The following CEP350 variants were observed in gnomAD, a reference collection of about 807,000 sequenced individuals.
CEP350 encodes centrosome-associated protein 350.
Under a neutral mutation model 331.8 loss-of-function variants are expected in CEP350, and 126 were observed. The ratio of observed to expected loss-of-function variants is 0.38; its 90% CI spans 0.33 to 0.44. The LOEUF is 0.44. Among genes scored for constraint, CEP350 ranks in the 20% least tolerant of loss-of-function variants. The pLI is 1.00. For synonymous variants in CEP350, 1,200 were observed against 1,259.5 expected (o/e 0.95, Z 1.00); for missense variants, 3,406 against 3,634.6 (o/e 0.94, Z 1.62).
intron 22 of CEP350, among the ~76,000 whole-genome samples, chr1:180,051,834 C>T (rs1045402772): frequency 6.6e-6 from 1 of 152,140 alleles, no homozygotes; most frequent in African/African-American, 2.4e-5. Flanking sequence ...TAAACCTATA[C>T]TCTAATTGGA....
chr1:180,074,221 T>C (rs1418533771), intron 27 of CEP350, among the ~76,000 whole-genome samples: 3 of 152,224 alleles, frequency 2.0e-5, no homozygotes, highest in Non-Finnish European at 4.4e-5. Flanking sequence ...AGTTGTGGCA[T>C]CTACATTTGA....
intron 8 of CEP350, among the ~76,000 whole-genome samples, chr1:180,010,998 ATTTCTT>A (rs1654617311): frequency 6.7e-6 from 1 of 148,764 alleles, no homozygotes; most frequent in African/African-American, 2.5e-5. Flanking sequence ...TTTTTTTTTC[ATTTCTT>A]TTTAAGTCAC....
rs947050000 is a variant in CEP350 at position 180,114,025 on chromosome 1, T to G, written c.*2864T>G. The G allele has an allele frequency of 1.3e-5, 2 of 152,606 alleles. No homozygotes were observed. Among genetic ancestry groups the G allele is most frequent in the Non-Finnish European group, 2.9e-5 (2 of 68,028 alleles). The allele number at this position is 152,606 out of a possible 1,614,324, so 9.5% of individuals were successfully genotyped here. ...TACCATAGGGAAAAGTGGGGAGAGC[T>G]CAAACGTAGTTAATAAGGAAGGTAA... On this transcript the variant is annotated 3_prime_UTR_variant, in exon 38 of 38. Coordinates refer to ENST00000367607, the MANE Select transcript of CEP350 (RefSeq NM_014810.5).
At chr1:180,054,904 A>C (rs1657723129) in intron 25 of CEP350, among the ~76,000 whole-genome samples, 1 of 152,220 alleles carries the variant, frequency 6.6e-6, no homozygotes, top group African/African-American at 2.4e-5. Flanking sequence ...TAATGGACTT[A>C]GAAAGACCTC....
intron 28 of CEP350, among the ~76,000 whole-genome samples, chr1:180,075,720 C>T (rs997136287): frequency 3.3e-5 from 5 of 152,036 alleles, no homozygotes; most frequent in African/African-American, 9.6e-5. Flanking sequence ...TTTGGGAGTC[C>T]GAGGCAGGTG....
chr1:180,047,999 T>A (rs948773044), intron 21 of CEP350, among the ~76,000 whole-genome samples: 1 of 152,160 alleles, frequency 6.6e-6, no homozygotes, highest in Non-Finnish European at 1.5e-5. Context: ...TCCTCAAATA[T>A]CTTTCATCCA....
At chr1:180,069,954 C>T (rs1658784014) in intron 27 of CEP350, among the ~76,000 whole-genome samples, 1 of 152,174 alleles carries the variant, frequency 6.6e-6, no homozygotes, top group Non-Finnish European at 1.5e-5. Context: ...CATAGCATTG[C>T]ATAAGGATTC....
At position 179,996,663 on chromosome 1, in the gene CEP350, G is replaced by A. The variant is rs1285591275; in HGVS notation, c.506G>A (p.Gly169Asp). 1 of 1,613,460 alleles carries A rather than the reference G, an allele frequency of 6.2e-7. No homozygotes were observed. The highest frequency in any genetic ancestry group is 1.1e-5 in the South Asian group (1 of 90,962). The stretch of plus-strand genomic sequence containing the variant: ...ACTGAGAGCGGTAACTGGATGATAG[G>A]CAGTCGAGAAGAACGGAATATACGG... ...EKTESGNWMI[G>D]SREERNIRSC... The change falls in exon 6 of 38, where the codon GGC becomes GAC. Residue 169 changes from glycine to aspartate, a missense_variant. Physicochemically the swap from Gly to Asp is moderately conservative, Grantham distance 94. Transcript: ENST00000367607.
rs1316223443 is a variant in CEP350 at position 180,053,900 on chromosome 1, A to G, written c.5140A>G (p.Lys1714Glu). Reference protein sequence around the residue: ...LREKALKEKTKAELAWLEHQK... With the variant: ...LREKALKEKTEAELAWLEHQK... ...TGAAAAGGCCTTGAAGGAGAAGACT[A>G]AGGCTGAATTGGCCTGGTTAGAGCA... is the stretch of plus-strand genomic sequence containing the variant. Residue 1714 changes from lysine to glutamate, a missense_variant, in exon 24 of 38, where the codon AAG becomes GAG. Transcript: ENST00000367607. 4.4e-6 allele frequency: 7 copies of G among 1,608,190 alleles called. No homozygotes were observed. The highest frequency in any genetic ancestry group is 1.3e-5 in the African/African-American group (1 of 74,828).
chr1:180,042,361 T>C (rs1014542940), intron 19 of CEP350, among the ~76,000 whole-genome samples: 1 of 152,246 alleles, frequency 6.6e-6, no homozygotes, highest in African/African-American at 2.4e-5. Context: ...TTTATTGCTG[T>C]CTCTACATAG....
chr1:180,012,165 T>C, intron 9 of CEP350, 90 bp downstream of exon 9: 2 of 1,200,324 alleles, frequency 1.7e-6, no homozygotes, highest in Non-Finnish European at 2.3e-6. Flanking sequence ...AAGAATGTGT[T>C]AGGACTTTGC....
Position 180,053,068 on chromosome 1 carries a change from G to T in CEP350, c.4891G>T (p.Glu1631Ter), listed in dbSNP as rs1657610094. 1 of 1,588,730 alleles carries T rather than the reference G, an allele frequency of 6.3e-7. No individual in the cohort carries two copies. Among genetic ancestry groups the T allele is most frequent in the Admixed American group, 1.7e-5 (1 of 59,546 alleles). ...ATCATTTCGATCATTACTACCTTCAGAGAGTCACCGCAGATTTAACATGGA... is the reference window on the plus strand; with the variant it reads ...ATCATTTCGATCATTACTACCTTCATAGAGTCACCGCAGATTTAACATGGA... ...EQSFRSLLPS[E>*]SHRRFNMEKR... is the part of the protein sequence containing the mutation. The change falls in exon 23 of 38, where the codon GAG (glutamate) becomes TAG (stop). Residue 1631 changes from glutamate to a stop codon, truncating the protein, a stop_gained. Transcript: ENST00000367607. LOFTEE classifies it high-confidence loss of function.
In CEP350 at chr1:180,092,596, A is replaced by G. The variant is rs1355139743; in HGVS notation, c.6509-18A>G. On this transcript the variant is annotated intron_variant, in intron 33 of 37. Coordinates refer to ENST00000367607, the MANE Select transcript of CEP350 (RefSeq NM_014810.5). ...GTGATTAAATAATTTTGATGTGGTG[A>G]TTTGTTTTTTCTTTAAGATGCTTCA... 1 of 1,468,878 alleles carries G rather than the reference A, an allele frequency of 6.8e-7. No individual in the cohort carries two copies. The allele number at this position is 1,468,878 out of a possible 1,614,324, so 91.0% of individuals were successfully genotyped here.
chr1:180,109,765 A>G (rs913264785), intron 37 of CEP350, among the ~76,000 whole-genome samples: 1 of 152,108 alleles, frequency 6.6e-6, no homozygotes, highest in African/African-American at 2.4e-5. Flanking sequence ...CCTCCCTAGT[A>G]GCTGGGACTA....
rs754949081 is a variant in CEP350 at position 180,013,966 on chromosome 1, G to A, written c.1513G>A (p.Ala505Thr). The change falls in exon 10 of 38, where the codon GCT becomes ACT. Residue 505 changes from alanine (A) to threonine (T), a missense_variant. Coordinates refer to ENST00000367607, the MANE Select transcript of CEP350 (RefSeq NM_014810.5). ...GTCTGAAAATAATATAAAGAAACTA[G>A]CTTCATCTCTTCCAGATAATAAGCA... ...SRSENNIKKL[A>T]SSLPDNKQEE... 7 of 1,613,510 alleles carry A rather than the reference G, an allele frequency of 4.3e-6. No individual in the cohort carries two copies. Among genetic ancestry groups the A allele is most frequent in the African/African-American group, 1.3e-5 (1 of 74,890 alleles).
rs1558108889 is a variant in CEP350 at position 180,024,399 on chromosome 1, T to G, written c.3387-20T>G. 1 of 1,591,964 alleles carries G rather than the reference T, an allele frequency of 6.3e-7. No individual in the cohort carries two copies. Reference sequence around the variant, plus strand: ...GTAAGACTTTTCTTTCTGGAACTACTATTATTTATTCTTTGACAGTAGCAC... The same window carrying G: ...GTAAGACTTTTCTTTCTGGAACTACGATTATTTATTCTTTGACAGTAGCAC... On this transcript the variant is annotated intron_variant, in intron 13 of 37. Transcript: ENST00000367607.
chr1:180,019,294 C>A (rs967340097), intron 11 of CEP350, among the ~76,000 whole-genome samples: 1 of 152,074 alleles, frequency 6.6e-6, no homozygotes, highest in African/African-American at 2.4e-5. Flanking sequence ...TATTCTGTTT[C>A]TAGACTTAAT....
intron 22 of CEP350, among the ~76,000 whole-genome samples, chr1:180,051,233 G>A (rs1199871375): frequency 1.3e-5 from 2 of 152,196 alleles, no homozygotes; most frequent in African/African-American, 4.8e-5. Flanking sequence ...GTAGCAACAT[G>A]AACGAATTTT....
Position 180,093,854 on chromosome 1 carries a change from C to T in CEP350, c.7749C>T (p.Tyr2583=), listed in dbSNP as rs1660331462. ...YVDINEDEDC[Y]SDERYQCYNQ... is the part of the protein sequence containing the mutation. The stretch of plus-strand genomic sequence containing the variant: ...ACATTAATGAAGATGAAGACTGTTA[C>T]TCAGATGAACGATATCAGTGCTATA... Residue 2583 remains tyrosine (Y), a synonymous_variant, in exon 34 of 38, where the codon TAC becomes TAT. Transcript: ENST00000367607. 6.2e-7 allele frequency: 1 copy of T among 1,613,830 alleles called. No homozygotes were observed. The highest frequency in any genetic ancestry group is 8.5e-7 in the Non-Finnish European group (1 of 1,179,874).
Sources: gnomAD v4.1 joint callset for allele counts (sites outside exome capture counted in the v4.1 genomes callset) on GRCh38, gnomAD v4.1.1 for gene constraint, MANE v1.5 for transcripts, NCBI Gene and HGNC (gene_info 2026-07-23, HGNC 2026-07-21) for gene names.